PCSK5: variants seen among roughly 807,000 people sequenced by gnomAD.
PCSK5 encodes the protein proprotein convertase subtilisin/kexin type 5.
PCSK5 carries 129 observed loss-of-function variants against 233.2 expected under a neutral mutation model. The ratio of observed to expected loss-of-function variants is 0.55; its 90% confidence interval spans 0.48 to 0.64. PCSK5 has a LOEUF of 0.64. Ranked by LOEUF, PCSK5 falls within the 30% of genes least tolerant of loss-of-function variation. The pLI, the probability that PCSK5 is intolerant of heterozygous loss-of-function variation, is 0.00. For missense variants in PCSK5, 2,076 were observed against 2,430.1 expected, an observed-to-expected ratio of 0.85 and a Z score of 3.06; for synonymous variants, 825 against 879.2, an observed-to-expected ratio of 0.94 and a Z score of 1.09.
At chr9:76,131,686 A>G (rs1822766121) in intron 9 of PCSK5, among the ~76,000 whole-genome samples, 1 of 152,098 alleles carries the variant, frequency 6.6e-6, no homozygotes. Flanking sequence ...TTCTGTTATG[A>G]AAATTAAATT....
chr9:76,327,885 G>A (rs1430102564), intron 32 of PCSK5, 124 bp from the exon 33 acceptor site: 3 of 727,074 alleles, frequency 4.1e-6, no homozygotes, highest in African/African-American at 3.4e-5. Flanking sequence ...CATTGGCCCA[G>A]AGCTCTGGAA....
At chr9:75,928,927 ATATT>A (rs71499119) in intron 1 of PCSK5, among the ~76,000 whole-genome samples, 5 of 149,820 alleles carry the variant, frequency 3.3e-5, no homozygotes, top group Admixed American at 6.6e-5. Flanking sequence ...AAGGATTCTG[ATATT>A]TATTTATTTA....
intron 20 of PCSK5, among the ~76,000 whole-genome samples, chr9:76,214,349 C>T (rs976033340): frequency 6.6e-6 from 1 of 151,964 alleles, no homozygotes; most frequent in Non-Finnish European, 1.5e-5. Flanking sequence ...CGCAGCCCAC[C>T]AGTGATTTGA....
intron 12 of PCSK5, among the ~76,000 whole-genome samples, chr9:76,167,891 G>GT (rs1174563430): frequency 6.6e-6 from 1 of 152,176 alleles, no homozygotes; most frequent in African/African-American, 2.4e-5. Context: ...AAATATCCCA[G>GT]TAACTGGACA....
Position 76,328,112 on chromosome 9 carries a change from G to A in PCSK5, c.4443G>A (p.Lys1481=), listed in dbSNP as rs61747223. 5.4e-4 allele frequency: 878 copies of A among 1,612,846 alleles called. 5 individuals are homozygous for A. In the African/African-American group the frequency reaches 0.01, roughly 19 times the overall value. Residue 1481 remains lysine, a synonymous_variant, in exon 33 of 38, where the codon AAG becomes AAA. Transcript: ENST00000674117. The part of the protein sequence containing the change: ...NPRGSCMANE[K]CSPSEYWDED... The stretch of plus-strand genomic sequence containing the variant: ...GTGGGAGCTGCATGGCCAACGAGAA[G>A]TGCTCACCCTCCGAGTACTGGGATG...
chr9:76,093,582 T>TATATATATAC, intron 7 of PCSK5, among the ~76,000 whole-genome samples: 1 of 149,932 alleles, frequency 6.7e-6, no homozygotes, highest in South Asian at 2.1e-4. Flanking sequence ...TATATATATA[T>TATATATATAC]ACACACACAC....
chr9:76,268,020 G>T (rs575530974), intron 24 of PCSK5, among the ~76,000 whole-genome samples: 1 of 152,136 alleles, frequency 6.6e-6, no homozygotes, highest in South Asian at 2.1e-4. Flanking sequence ...ATGTTCTAAC[G>T]TGGGACTGGT....
chr9:76,241,177 C>A (rs1401944657), intron 24 of PCSK5, among the ~76,000 whole-genome samples: 1 of 152,214 alleles, frequency 6.6e-6, no homozygotes, highest in African/African-American at 2.4e-5. Flanking sequence ...CACAGTGGCT[C>A]ATGCCTGTAA....
intron 2 of PCSK5, among the ~76,000 whole-genome samples, chr9:75,957,374 C>T (rs1195636647): frequency 6.6e-6 from 1 of 152,038 alleles, no homozygotes; most frequent in Admixed American, 6.6e-5. Flanking sequence ...TCTTGGAGAT[C>T]ACAGAATGGA....
Position 76,295,412 on chromosome 9 carries a change from G to T in PCSK5, c.3322+1G>T. 6.2e-7 allele frequency: 1 copy of T among 1,611,948 alleles called. No homozygotes were observed. Among genetic ancestry groups the T allele is most frequent in the South Asian group, 1.1e-5 (1 of 90,882 alleles). ...TGTGAAGAGGGCTTCTTTCTCTTAGGTAAGTTAGAAAATGGCACCATCCAA... is the reference window on the plus strand; with the variant it reads ...TGTGAAGAGGGCTTCTTTCTCTTAGTTAAGTTAGAAAATGGCACCATCCAA... On this transcript the variant is annotated splice_donor_variant, in intron 26 of 37. Transcript: ENST00000674117. LOFTEE classifies it high-confidence loss of function.
At chr9:76,028,213 A>G (rs1239178751) in intron 5 of PCSK5, among the ~76,000 whole-genome samples, 7 of 152,232 alleles carry the variant, frequency 4.6e-5, no homozygotes, top group Non-Finnish European at 8.8e-5. Context: ...AGAGACCTAC[A>G]TTAAACTGGA....
chr9:75,966,004 AG>A lies in PCSK5; in HGVS notation c.298-20125del, dbSNP rs149859282. Among the ~76,000 whole-genome samples, 529 of 152,270 alleles carry A rather than the reference AG, an allele frequency of 3.5e-3. 1 individual carries two copies. The highest frequency in any genetic ancestry group is 0.017 in the Middle Eastern group (5 of 294). ...GACACATTATAGACAGATATACCAG[AG>A]GGTAGATGAAAGGTGTCATAAGGTA... On this transcript the variant is annotated intron_variant, in intron 2 of 37. Coordinates refer to ENST00000674117, the MANE Select transcript of PCSK5 (RefSeq NM_001372043.1).
chr9:75,951,457 G>A (rs1824852761), intron 2 of PCSK5, among the ~76,000 whole-genome samples: 1 of 152,172 alleles, frequency 6.6e-6, no homozygotes, highest in South Asian at 2.1e-4. Context: ...GTGTGTAGTT[G>A]AGCAAACTGT....
chr9:76,028,367 A>T (rs1377724725), intron 5 of PCSK5, among the ~76,000 whole-genome samples: 24 of 152,192 alleles, frequency 1.6e-4, no homozygotes, highest in Admixed American at 1.6e-3. Context: ...CCAGAGTTTT[A>T]TTATTGCTCA....
intron 9 of PCSK5, among the ~76,000 whole-genome samples, chr9:76,133,323 T>C (rs1822834978): frequency 6.6e-6 from 1 of 152,092 alleles, no homozygotes; most frequent in Non-Finnish European, 1.5e-5. Flanking sequence ...ATACATAGTC[T>C]ATGAAAGGGA....
rs139138121 is a variant in PCSK5, at chr9:76,196,357, G to A, written c.2626+6611G>A. Among the ~76,000 whole-genome samples the A allele has an allele frequency of 3.9e-3, 592 of 152,320 alleles. 2 individuals are homozygous for A. The highest frequency in any genetic ancestry group is 0.016 in the East Asian group (83 of 5,188). ...TTTGTTCAATTTGCTGACATCTTGC[G>A]TAAAGTCGGCATTGGCTGGATGTCT... is the stretch of plus-strand genomic sequence containing the variant. On this transcript the variant is annotated intron_variant, in intron 20 of 37. Coordinates refer to ENST00000674117, the MANE Select transcript of PCSK5 (RefSeq NM_001372043.1).
At chr9:76,141,294 T>TTTTTAA (rs1301864939) in intron 10 of PCSK5, among the ~76,000 whole-genome samples, 2 of 152,132 alleles carry the variant, frequency 1.3e-5, no homozygotes, top group African/African-American at 2.4e-5. Context: ...TTTTACAGCC[T>TTTTTAA]ATTTTAAAAT....
At chr9:76,082,878 A>G (rs1564015326) in intron 7 of PCSK5, among the ~76,000 whole-genome samples, 1 of 152,134 alleles carries the variant, frequency 6.6e-6, no homozygotes, top group Non-Finnish European at 1.5e-5. Flanking sequence ...AAAAGCCTAT[A>G]TTAAGGTTAC....
chr9:75,891,280 C>T lies in PCSK5; in HGVS notation c.99C>T (p.Arg33=), dbSNP rs1825584204. 1 of 1,543,256 alleles carries T rather than the reference C, an allele frequency of 6.5e-7. No individual in the cohort carries two copies. The highest frequency in any genetic ancestry group is 8.7e-7 in the Non-Finnish European group (1 of 1,152,656). The change falls in exon 1 of 38, where the codon CGC becomes CGT. Residue 33 remains arginine (R), a synonymous_variant. Coordinates refer to ENST00000674117, the MANE Select transcript of PCSK5 (RefSeq NM_001372043.1). ...GGCLLPVCRT[R]VYTNHWAVKI... Reference sequence around the variant, plus strand: ...GCCTGCTCCCCGTGTGTCGGACGCGCGTCTACACCAACCACTGGGCAGTCA... The same window carrying T: ...GCCTGCTCCCCGTGTGTCGGACGCGTGTCTACACCAACCACTGGGCAGTCA...
Sources: allele counts gnomAD v4.1 joint callset (sites outside exome capture counted in the v4.1 genomes callset), GRCh38; gene constraint gnomAD v4.1.1; transcripts MANE v1.5; gene names NCBI Gene and HGNC (gene_info 2026-07-23, HGNC 2026-07-21).